Variants in EML2 observed in about 807,000 individuals in gnomAD.
EML2 encodes EMAP like 2.
EML2 carries 59 observed loss-of-function variants against 84.7 expected under a neutral mutation model. The observed-to-expected ratio is 0.70, with a 90% CI of 0.56 to 0.86. The LOEUF (loss-of-function observed/expected upper bound fraction) is 0.86, where lower values mean the gene tolerates loss of function less well. Ranked by LOEUF, EML2 falls within the 40% of genes least tolerant of loss-of-function variation. EML2 has a pLI of 0.00. For missense variants in EML2, 818 were observed against 855.6 expected (o/e 0.96, Z 0.55); for synonymous variants, 352 against 348.9 (o/e 1.01, Z -0.10).
intron 18 of EML2, among the ~76,000 whole-genome samples, chr19:45,612,021 A>G (rs1600061036): frequency 6.7e-6 from 1 of 149,324 alleles, no homozygotes; most frequent in South Asian, 2.1e-4. Flanking sequence ...ACAGGCGTGC[A>G]CCACCAGGCT....
chr19:45,612,696 AAAG>A (rs1568429206), intron 18 of EML2, among the ~76,000 whole-genome samples: 1 of 152,124 alleles, frequency 6.6e-6, no homozygotes, highest in Non-Finnish European at 1.5e-5. Flanking sequence ...AAAAATAAAA[AAAG>A]AAGAGAAAGG....
rs763267506 is a variant in EML2 at position 45,613,653 on chromosome 19, G to A, written c.1712C>T (p.Ala571Val). 2.5e-6 allele frequency: 4 copies of A among 1,613,794 alleles called. No homozygotes were observed. Among genetic ancestry groups the A allele is most frequent in the African/African-American group, 2.7e-5 (2 of 74,996 alleles). Residue 571 changes from alanine to valine, a missense_variant, in exon 18 of 19, where the codon GCG becomes GTG. Coordinates refer to ENST00000245925, the MANE Select transcript of EML2 (RefSeq NM_012155.4). ...CACAGCGTTGATATCAGTGCCGTCC[G>A]CCCCCTCAGACCAGATCCCTGTGGG... is the stretch of plus-strand genomic sequence containing the variant. ...FGVFGIWSEG[A>V]DGTDINAVAR...
chr19:45,618,425 G>T (rs1971325577), intron 12 of EML2, among the ~76,000 whole-genome samples: 1 of 151,930 alleles, frequency 6.6e-6, no homozygotes, highest in Non-Finnish European at 1.5e-5. Context: ...GCCATGTGTG[G>T]CCAGTGGTTA....
chr19:45,640,824 A>G (rs1280838854), upstream of EML2: 1 of 152,208 alleles, frequency 6.6e-6, no homozygotes, highest in African/African-American at 2.4e-5. Context: ...CCAAACTGCT[A>G]GAATTATATA....
At chr19:45,633,982 G>T (rs73050363) in intron 4 of EML2, among the ~76,000 whole-genome samples, 20,283 of 152,128 alleles carry the variant, frequency 0.13, 1,484 homozygotes, top group East Asian at 0.23. Flanking sequence ...GACAGAGCTT[G>T]CTCTTTCACC....
At position 45,609,601 on chromosome 19, in the gene EML2, G is replaced by A. The variant is rs759872309; in HGVS notation, c.*62C>T. On this transcript the variant is annotated 3_prime_UTR_variant, in exon 19 of 19. Transcript: ENST00000245925. ...ACTCTGGGTATATATTACTCTACTC[G>A]GCAATAGACATCTCCCGAAAATAGA... The A allele has an allele frequency of 3.5e-5, 54 of 1,529,438 alleles. No individual in the cohort carries two copies. The East Asian group carries it at 6.7e-4, about 19-fold the overall frequency. The allele number at this position is 1,529,438 out of a possible 1,614,324, so 94.7% of individuals were successfully genotyped here. A position where few individuals can be genotyped will look rare whatever the true frequency, so the allele number is the denominator to read the frequency against.
chr19:45,611,634 C>T (rs142269472), intron 18 of EML2, among the ~76,000 whole-genome samples: 163 of 151,626 alleles, frequency 1.1e-3, no homozygotes, highest in African/African-American at 3.5e-3. Context: ...CACAGGTGCC[C>T]GCCACCACCC....
chr19:45,640,405 T>C (rs184666234), upstream of EML2: 1 of 137,208 alleles, frequency 7.3e-6, no homozygotes, highest in Admixed American at 7.4e-5. Flanking sequence ...TCTCTCTTTT[T>C]TTTTTTGTTT....
upstream of EML2, chr19:45,641,756 A>G (rs2122841109): frequency 6.5e-7 from 1 of 1,536,020 alleles, no homozygotes; most frequent in East Asian, 2.4e-5. Context: ...CTGCTAAAAG[A>G]GAGCACACAG....
rs145029065 is a variant in EML2 at position 45,631,339 on chromosome 19, G to GT, written c.511-1294dup. Among the ~76,000 whole-genome samples the GT allele has an allele frequency of 3.3e-5, 5 of 152,218 alleles. No individual in the cohort carries two copies. In the East Asian group the frequency reaches 5.8e-4, roughly 18 times the overall value. On this transcript the variant is annotated intron_variant, in intron 6 of 18. Coordinates refer to ENST00000245925, the MANE Select transcript of EML2 (RefSeq NM_012155.4). ...AAGCTATCTGTGCAGGAGACTGGCT[G>GT]TTTTTTACTCCCTAATCCATTGAAG...
upstream of EML2, chr19:45,642,181 C>T: frequency 1.3e-6 from 2 of 1,530,328 alleles, no homozygotes; most frequent in Non-Finnish European, 1.7e-6. Context: ...CTTGGGGGTG[C>T]CCCGCGCGCG....
upstream of EML2, chr19:45,645,359 C>G (rs1234878207): frequency 6.5e-7 from 1 of 1,528,536 alleles, no homozygotes; most frequent in East Asian, 2.5e-5. Flanking sequence ...ACAGCCACCG[C>G]CGGCCCCCCC....
intron 4 of EML2, 140 bp from the exon 5 acceptor site, chr19:45,633,279 A>G: frequency 1.2e-6 from 1 of 839,848 alleles, no homozygotes; most frequent in Non-Finnish European, 1.9e-6. Flanking sequence ...CAGTGAGCGG[A>G]TGCCCTCCGG....
intron 10 of EML2, 73 bp from the exon 11 acceptor site, chr19:45,621,405 G>C (rs1282333165): frequency 6.4e-7 from 1 of 1,572,700 alleles, no homozygotes; most frequent in African/African-American, 1.3e-5. Context: ...CTGTGGGGAG[G>C]AGGGTCTGGC....
chr19:45,632,769 G>A (rs1222031235), intron 6 of EML2, 92 bp downstream of exon 6: 1 of 1,110,184 alleles, frequency 9.0e-7, no homozygotes, highest in East Asian at 2.5e-5. Flanking sequence ...CAGGATTCCC[G>A]GCCCTCAACC....
chr19:45,626,902 C>T, intron 7 of EML2, 63 bp from the exon 8 acceptor site: 3 of 1,517,520 alleles, frequency 2.0e-6, no homozygotes, highest in Non-Finnish European at 2.7e-6. Flanking sequence ...CTATACCCGC[C>T]CCTCACAGGA....
At chr19:45,614,364 G>A (rs1046347805) in intron 17 of EML2, among the ~76,000 whole-genome samples, 1 of 152,204 alleles carries the variant, frequency 6.6e-6, no homozygotes, top group Non-Finnish European at 1.5e-5. Flanking sequence ...TGAATGGGTG[G>A]CTAGGGCACC....
rs187019721 is a variant in EML2 at position 45,615,710 on chromosome 19, G to C, written c.1597+92C>G. The C allele has an allele frequency of 3.5e-4, 400 of 1,129,360 alleles. 1 individual carries two copies. Among genetic ancestry groups the C allele is most frequent in the Middle Eastern group, 1.5e-3 (6 of 4,020 alleles). The allele number at this position is 1,129,360 out of a possible 1,614,324, so 70.0% of individuals were successfully genotyped here. ...AACCAGCCTTGAATACCAAGGGAGC[G>C]AGGCTTGAAGCCCCTCCCTCCCCTC... On this transcript the variant is annotated intron_variant, in intron 16 of 18. Transcript: ENST00000245925.
chr19:45,632,803 G>C, intron 6 of EML2, 58 bp downstream of exon 6: 4 of 1,460,010 alleles, frequency 2.7e-6, no homozygotes, highest in Non-Finnish European at 2.8e-6. Flanking sequence ...AAAAGGTGCG[G>C]GCACTTGCCC....
Sources: allele counts gnomAD v4.1 joint callset (sites outside exome capture counted in the v4.1 genomes callset), GRCh38; gene constraint gnomAD v4.1.1; transcripts MANE v1.5; gene names NCBI Gene and HGNC (gene_info 2026-07-23, HGNC 2026-07-21).